The following MED13L variants were observed in gnomAD, a reference collection of about 807,000 sequenced individuals.
MED13L encodes mediator complex subunit 13L.
In MED13L, 7 loss-of-function variants were observed where a neutral mutation model predicts 220.9. The observed-to-expected ratio is 0.03, with a 90% CI of 0.02 to 0.06. The LOEUF is 0.06. MED13L is among the 10% of genes least tolerant of loss of function. MED13L has a pLI of 1.00. For missense variants in MED13L, 1,965 were observed against 2,760.5 expected, an observed-to-expected ratio of 0.71 and a Z score of 6.46; for synonymous variants, 1,011 against 1,015.2, an observed-to-expected ratio of 1.00 and a Z score of 0.08.
chr12:116,203,478 G>T (rs1389744311), intron 2 of MED13L, among the ~76,000 whole-genome samples: 1 of 151,824 alleles, frequency 6.6e-6, no homozygotes, highest in African/African-American at 2.4e-5. Context: ...TAGAGCTGGT[G>T]GTAAAAGTGA....
At chr12:116,055,645 A>G (rs527799917) in intron 4 of MED13L, among the ~76,000 whole-genome samples, 198 of 152,340 alleles carry the variant, frequency 1.3e-3, no homozygotes, top group Non-Finnish European at 2.4e-3. Context: ...CTGTAATCCC[A>G]GCACTTTGGG....
Position 116,191,784 on chromosome 12 carries a change from C to T in MED13L, c.310+45684G>A, listed in dbSNP as rs191171825. On this transcript the variant is annotated intron_variant, in intron 2 of 30. Coordinates refer to ENST00000281928, the MANE Select transcript of MED13L (RefSeq NM_015335.5). ...TCACTTGAGCCCAGGAGTTGGAGAC[C>T]AGCCTGGGCAACACAGTGGGACTCC... 6.8e-4 allele frequency among the ~76,000 whole-genome samples: 103 copies of T among 151,976 alleles called. 1 individual carries two copies. In the East Asian group the frequency reaches 0.017, roughly 26 times the overall value.
At chr12:116,077,584 TAAGA>T (rs1373333571) in intron 4 of MED13L, among the ~76,000 whole-genome samples, 1 of 152,166 alleles carries the variant, frequency 6.6e-6, no homozygotes, top group Non-Finnish European at 1.5e-5. Context: ...ACTATCTGCA[TAAGA>T]AAGGGAATAT....
intron 4 of MED13L, among the ~76,000 whole-genome samples, chr12:116,089,888 T>C (rs1384789897): frequency 6.6e-6 from 1 of 152,220 alleles, no homozygotes; most frequent in East Asian, 1.9e-4. Flanking sequence ...CTAAGATACT[T>C]CAGCAAAGTA....
intron 2 of MED13L, among the ~76,000 whole-genome samples, chr12:116,129,908 C>CAAA (rs572694841): frequency 1.8e-4 from 17 of 95,462 alleles, no homozygotes; most frequent in Non-Finnish European, 3.2e-4. Context: ...GACTCAGTCT[C>CAAA]AAAAAAAAAA....
chr12:116,082,790 T>C (rs1460617887), intron 4 of MED13L: 1 of 152,156 alleles, frequency 6.6e-6, no homozygotes, highest in Non-Finnish European at 1.5e-5. Flanking sequence ...CAACTACATA[T>C]GAATATAAGA....
intron 2 of MED13L, among the ~76,000 whole-genome samples, chr12:116,159,167 T>C (rs929669355): frequency 3.9e-5 from 6 of 152,216 alleles, no homozygotes; most frequent in Non-Finnish European, 8.8e-5. Context: ...TCTATTTATT[T>C]AGAAGCCTCT....
intron 2 of MED13L, among the ~76,000 whole-genome samples, chr12:116,118,103 G>A (rs1008622515): frequency 7.2e-5 from 11 of 152,062 alleles, no homozygotes; most frequent in African/African-American, 2.7e-4. Context: ...GCCACTGCAC[G>A]CAGTCAAAAT....
intron 2 of MED13L, chr12:116,174,489 T>G (rs1242877696): frequency 2.0e-5 from 3 of 148,642 alleles, no homozygotes; most frequent in Non-Finnish European, 4.5e-5. Flanking sequence ...TTTGTTTTGT[T>G]TTTTTTTTTT....
intron 4 of MED13L, 99 bp from the exon 5 acceptor site, chr12:116,022,700 G>C: frequency 7.9e-7 from 1 of 1,270,096 alleles, no homozygotes; most frequent in Admixed American, 2.0e-5. Context: ...TTTATCAACC[G>C]TCCAGTAAGG....
intron 2 of MED13L, among the ~76,000 whole-genome samples, chr12:116,117,343 A>G (rs138237663): frequency 5.9e-5 from 9 of 152,262 alleles, no homozygotes; most frequent in Non-Finnish European, 1.2e-4. Context: ...CCCCCACTCT[A>G]TATCTTGATT....
At chr12:116,020,344 T>C (rs1879987332) in intron 5 of MED13L, among the ~76,000 whole-genome samples, 1 of 152,216 alleles carries the variant, frequency 6.6e-6, no homozygotes, top group African/African-American at 2.4e-5. Flanking sequence ...ACAGCTATGC[T>C]TTGAAGCATA....
chr12:116,034,984 G>A (rs922968905), intron 4 of MED13L, among the ~76,000 whole-genome samples: 6 of 152,092 alleles, frequency 3.9e-5, no homozygotes, highest in African/African-American at 7.2e-5. Flanking sequence ...CAGCCTGAAC[G>A]AAAAAGCGAG....
intron 4 of MED13L, among the ~76,000 whole-genome samples, chr12:116,083,644 AATAATGCATATGTTC>A (rs1871390866): frequency 6.6e-6 from 1 of 152,176 alleles, no homozygotes; most frequent in South Asian, 2.1e-4. Context: ...GAAAACTCGT[AATAATGCATATGTTC>A]ATCACTTCCT....
chr12:116,021,966 TAAAAC>T (rs1192700846), intron 5 of MED13L, among the ~76,000 whole-genome samples: 4 of 152,188 alleles, frequency 2.6e-5, no homozygotes, highest in African/African-American at 4.8e-5. Flanking sequence ...AGTTTAAAAT[TAAAAC>T]AAAGTTAGGA....
intron 4 of MED13L, among the ~76,000 whole-genome samples, chr12:116,065,185 T>C (rs1222779313): frequency 6.6e-6 from 1 of 152,200 alleles, no homozygotes; most frequent in Non-Finnish European, 1.5e-5. Flanking sequence ...GGTTTCTACA[T>C]ATGCTCCACT....
chr12:116,158,516 G>A lies in MED13L; in HGVS notation c.311-47004C>T, dbSNP rs540605710. 7.4e-4 allele frequency among the ~76,000 whole-genome samples: 112 copies of A among 152,242 alleles called. 1 individual carries two copies. The highest frequency in any genetic ancestry group is 2.4e-3 in the African/African-American group (98 of 41,540). On this transcript the variant is annotated intron_variant, in intron 2 of 30. Transcript: ENST00000281928. ...AGAACTAATTGGCAAAGATAAGTCC[G>A]ATTTGGTGATATTTAAACAATACAT...
intron 16 of MED13L, 48 bp from the exon 17 acceptor site, chr12:115,992,005 T>C: frequency 6.7e-7 from 1 of 1,499,130 alleles, no homozygotes. Flanking sequence ...ATGTCACAGA[T>C]GCTGAACTAG....
chr12:116,103,948 G>C (rs1873315675), intron 3 of MED13L, among the ~76,000 whole-genome samples: 2 of 147,384 alleles, frequency 1.4e-5, no homozygotes, highest in Non-Finnish European at 3.0e-5. Flanking sequence ...CCATGCTCCA[G>C]TGAGTATGTT....
Sources: allele counts gnomAD v4.1 joint callset (sites outside exome capture counted in the v4.1 genomes callset), GRCh38; gene constraint gnomAD v4.1.1; transcripts MANE v1.5; gene names NCBI Gene and HGNC (gene_info 2026-07-23, HGNC 2026-07-21).